CGNL1: variants seen among roughly 807,000 people sequenced by gnomAD.
CGNL1 encodes the protein cingulin-like protein 1.
A neutral mutation model predicts 141.2 loss-of-function variants in CGNL1; 132 were observed. The ratio of observed to expected loss-of-function variants is 0.93; its 90% CI spans 0.81 to 1.08. The LOEUF is 1.08. CGNL1 is among the 50% of genes least tolerant of loss of function. The pLI, the probability that CGNL1 is intolerant of heterozygous loss-of-function variation, is 0.00. For missense variants in CGNL1, 1,870 were observed against 1,588.6 expected (o/e 1.18, Z -3.01); for synonymous variants, 690 against 622.1 (o/e 1.11, Z -1.63).
chr15:57,449,925 T>C (rs1316285480), intron 4 of CGNL1, among the ~76,000 whole-genome samples: 1 of 152,206 alleles, frequency 6.6e-6, no homozygotes, highest in Non-Finnish European at 1.5e-5. Flanking sequence ...TAATATTCCA[T>C]TGTCTGATAT....
chr15:57,407,192 G>C (rs2062732924), intron 1 of CGNL1: 1 of 152,148 alleles, frequency 6.6e-6, no homozygotes, highest in Admixed American at 6.5e-5. Context: ...GTTTACAAGA[G>C]GTCTCTTGGC....
intron 8 of CGNL1, among the ~76,000 whole-genome samples, chr15:57,513,504 G>T (rs1255497957): frequency 6.6e-6 from 1 of 151,966 alleles, no homozygotes; most frequent in Admixed American, 6.6e-5. Context: ...TCATGTACAA[G>T]TTTTTCTGTG....
At chr15:57,479,434 C>T (rs1303305816) in intron 8 of CGNL1, among the ~76,000 whole-genome samples, 3 of 152,082 alleles carry the variant, frequency 2.0e-5, no homozygotes, top group South Asian at 2.1e-4. Context: ...GAGGCCAAGG[C>T]GGGCAGATCT....
intron 1 of CGNL1, among the ~76,000 whole-genome samples, chr15:57,387,481 C>T (rs1307642879): frequency 1.3e-5 from 2 of 152,160 alleles, no homozygotes; most frequent in Non-Finnish European, 2.9e-5. Flanking sequence ...GAATGAAGCC[C>T]TCATGCCAGG....
chr15:57,384,521 G>T (rs1273264054), intron 1 of CGNL1, among the ~76,000 whole-genome samples: 1 of 152,144 alleles, frequency 6.6e-6, no homozygotes, highest in African/African-American at 2.4e-5. Context: ...TAGGCATAGA[G>T]GCCTGGATGC....
chr15:57,503,060 C>G (rs111956623), intron 8 of CGNL1, among the ~76,000 whole-genome samples: 16 of 152,316 alleles, frequency 1.1e-4, no homozygotes, highest in Admixed American at 2.6e-4. Flanking sequence ...ATGCTTTTAG[C>G]GTGTGACTAG....
intron 8 of CGNL1, among the ~76,000 whole-genome samples, chr15:57,464,813 A>T (rs2063491860): frequency 6.7e-6 from 1 of 148,156 alleles, no homozygotes; most frequent in Non-Finnish European, 1.5e-5. Context: ...ACAATGGCAC[A>T]GTCTTGGCTC....
chr15:57,400,237 C>A (rs1265429738), intron 1 of CGNL1, among the ~76,000 whole-genome samples: 1 of 152,140 alleles, frequency 6.6e-6, no homozygotes, highest in Non-Finnish European at 1.5e-5. Flanking sequence ...TGACCTCAGG[C>A]CCGCCTCGGC....
chr15:57,509,326 C>T (rs1261358843), intron 8 of CGNL1, among the ~76,000 whole-genome samples: 3 of 152,182 alleles, frequency 2.0e-5, no homozygotes, highest in African/African-American at 7.2e-5. Flanking sequence ...TGTTTTCACT[C>T]ATTCAGCAAA....
chr15:57,399,602 A>G (rs1220310965), intron 1 of CGNL1, among the ~76,000 whole-genome samples: 1 of 152,136 alleles, frequency 6.6e-6, no homozygotes, highest in African/African-American at 2.4e-5. Context: ...AAATAATACA[A>G]GAAAGACACA....
chr15:57,432,840 G>A (rs1200434944), intron 1 of CGNL1, among the ~76,000 whole-genome samples: 1 of 152,228 alleles, frequency 6.6e-6, no homozygotes, highest in Non-Finnish European at 1.5e-5. Context: ...AATTGTGGAT[G>A]TTTCATGAAA....
chr15:57,422,083 G>T (rs2062921395), intron 1 of CGNL1, among the ~76,000 whole-genome samples: 2 of 143,790 alleles, frequency 1.4e-5, no homozygotes, highest in South Asian at 4.7e-4. Context: ...AGTCCATGTG[G>T]GGCCCTGTCA....
chr15:57,461,887 A>G lies in CGNL1; in HGVS notation c.2398A>G (p.Thr800Ala). Residue 800 changes from threonine to alanine, a missense_variant, in exon 8 of 19, where the codon ACC becomes GCC. Coordinates refer to ENST00000281282, the MANE Select transcript of CGNL1 (RefSeq NM_032866.5). ...CCTGAGGGAGAGTGTGGAAGAAGCA[A>G]CCAAGGTGAGGGATGGGGCAGGAGA... Reference protein sequence around the residue: ...QALRESVEEATKNVEVLASRS... With the variant: ...QALRESVEEAAKNVEVLASRS... 1 of 1,613,474 alleles carries G rather than the reference A, an allele frequency of 6.2e-7. No individual in the cohort carries two copies. Among genetic ancestry groups the G allele is most frequent in the Non-Finnish European group, 8.5e-7 (1 of 1,179,660 alleles).
rs1479673913 is a variant in CGNL1 at position 57,452,234 on chromosome 15, A to G, written c.1999A>G (p.Thr667Ala). 9 of 1,613,994 alleles carry G rather than the reference A, an allele frequency of 5.6e-6. No homozygotes were observed. Among genetic ancestry groups the G allele is most frequent in the Non-Finnish European group, 7.6e-6 (9 of 1,179,992 alleles). ...CAACGAAAAGGTGGAGGAGAACTCCACATTGCAGCAACGACTGGAAGAAAG... is the reference window on the plus strand; with the variant it reads ...CAACGAAAAGGTGGAGGAGAACTCCGCATTGCAGCAACGACTGGAAGAAAG... ...QHNEKVEENSTLQQRLEESEG... is the reference protein window; with the variant it reads ...QHNEKVEENSALQQRLEESEG... The change falls in exon 6 of 19, where the codon ACA becomes GCA. Residue 667 changes from threonine to alanine, a missense_variant. Coordinates refer to ENST00000281282, the MANE Select transcript of CGNL1 (RefSeq NM_032866.5).
At chr15:57,522,586 G>A (rs1362453863) in intron 10 of CGNL1, among the ~76,000 whole-genome samples, 2 of 152,140 alleles carry the variant, frequency 1.3e-5, no homozygotes, top group African/African-American at 2.4e-5. Flanking sequence ...GCTCTGTTCC[G>A]AGTTGTGCGT....
chr15:57,505,311 G>A (rs2064086495), intron 8 of CGNL1, among the ~76,000 whole-genome samples: 1 of 152,134 alleles, frequency 6.6e-6, no homozygotes, highest in African/African-American at 2.4e-5. Flanking sequence ...GCAGTGAATG[G>A]ATCCGTAACG....
intron 16 of CGNL1, 52 bp from the exon 17 acceptor site, chr15:57,545,540 C>A: frequency 6.5e-7 from 1 of 1,531,086 alleles, no homozygotes; most frequent in African/African-American, 1.4e-5. Context: ...AGGCTGGGCC[C>A]CCTGCAGGGA....
At chr15:57,439,746 G>C in intron 2 of CGNL1, 145 bp downstream of exon 2, 1 of 871,938 alleles carries the variant, frequency 1.1e-6, no homozygotes, top group Non-Finnish European at 1.7e-6. Context: ...TCAGGATCCA[G>C]TTGTGTCCTA....
chr15:57,465,289 G>A (rs1435036636), intron 8 of CGNL1, among the ~76,000 whole-genome samples: 2 of 151,430 alleles, frequency 1.3e-5, no homozygotes, highest in African/African-American at 4.9e-5. Context: ...TTTAAATCTG[G>A]TAAATAATGT....
Sources: allele counts gnomAD v4.1 joint callset (sites outside exome capture counted in the v4.1 genomes callset), GRCh38; gene constraint gnomAD v4.1.1; transcripts MANE v1.5; gene names NCBI Gene and HGNC (gene_info 2026-07-23, HGNC 2026-07-21).